The following TECRL variants were observed in gnomAD, a reference collection of about 807,000 sequenced individuals.
TECRL encodes trans-2,3-enoyl-CoA reductase like, also known as trans-2,3-enoyl-CoA reductase-like.
In TECRL, 63 loss-of-function variants were observed where a neutral mutation model predicts 52.8. That is an observed-to-expected ratio of 1.19 (90% CI 0.97 to 1.47). The LOEUF (loss-of-function observed/expected upper bound fraction) is 1.47. Ranked by LOEUF, TECRL falls within the 40% of genes most tolerant of loss-of-function variation. The pLI, the probability that TECRL is intolerant of heterozygous loss-of-function variation, is 0.00. For synonymous variants in TECRL, 164 were observed against 141.9 expected (o/e 1.16, Z -1.10); for missense variants, 482 against 429.6 (o/e 1.12, Z -1.08).
intron 2 of TECRL, among the ~76,000 whole-genome samples, chr4:64,363,735 C>T (rs1234826788): frequency 1.3e-5 from 2 of 152,106 alleles, no homozygotes; most frequent in African/African-American, 2.4e-5. Flanking sequence ...AATATTTAGG[C>T]TAAAGTGTGG....
rs1343342933 is a variant in TECRL at position 64,376,373 on chromosome 4, C to T, written c.235-1150G>A. Among the ~76,000 whole-genome samples the T allele has an allele frequency of 3.9e-5, 6 of 151,922 alleles. No homozygotes were observed. The East Asian group carries it at 1.2e-3, about 29-fold the overall frequency. The stretch of plus-strand genomic sequence containing the variant: ...TATTAATAGCAAAATGATCCTAAAA[C>T]ATTCTGTGTATATAAAGTTATAAAT... On this transcript the variant is annotated intron_variant, in intron 1 of 11. Coordinates refer to ENST00000381210, the MANE Select transcript of TECRL (RefSeq NM_001010874.5).
Position 64,279,760 on chromosome 4 carries a change from T to G in TECRL, c.*312A>C. On this transcript the variant is annotated 3_prime_UTR_variant, in exon 12 of 12. Coordinates refer to ENST00000381210, the MANE Select transcript of TECRL (RefSeq NM_001010874.5). ...TTTTTCATTTGTTAATCAGATTTTT[T>G]TTTTTGCTGTGGTATTTTGTCTTAT... 2 of 987,894 alleles carry G rather than the reference T, an allele frequency of 2.0e-6. No homozygotes were observed. Among genetic ancestry groups the G allele is most frequent in the South Asian group, 4.7e-5 (1 of 21,460 alleles). 61.2% of individuals were successfully genotyped at this position (987,894 alleles called of 1,614,324 possible).
intron 7 of TECRL, among the ~76,000 whole-genome samples, chr4:64,302,083 T>G (rs1724054604): frequency 6.6e-6 from 1 of 151,268 alleles, no homozygotes; most frequent in South Asian, 2.1e-4. Flanking sequence ...ACATTCTGAT[T>G]TGGGTATATT....
intron 9 of TECRL, among the ~76,000 whole-genome samples, 186 bp from the exon 10 acceptor site, chr4:64,281,745 T>A: frequency 6.6e-6 from 1 of 152,044 alleles, no homozygotes; most frequent in Admixed American, 6.6e-5. Flanking sequence ...ACCTTTTGAC[T>A]CAAATAAAAT....
chr4:64,338,845 C>G (rs570175054), intron 2 of TECRL, among the ~76,000 whole-genome samples: 1 of 152,144 alleles, frequency 6.6e-6, no homozygotes, highest in Non-Finnish European at 1.5e-5. Context: ...GGACTGTAAA[C>G]TAGTTCAACC....
Position 64,375,191 on chromosome 4 carries a change from C to A in TECRL, c.267G>T (p.Lys89Asn). The stretch of plus-strand genomic sequence containing the variant: ...ACTTACATGCTTTGTGAAACTTTTG[C>A]TTAACATCATGAATAGTAGATGATT... The part of the protein sequence containing the change: ...VTQSSTIHDV[K>N]QKFHKACPKW... Residue 89 changes from lysine (K) to asparagine (N), a missense_variant, in exon 2 of 12, where the codon AAG becomes AAT. By Grantham distance (94) the Lys-to-Asn change is moderately conservative. Coordinates refer to ENST00000381210, the MANE Select transcript of TECRL (RefSeq NM_001010874.5). 7.2e-7 allele frequency: 1 copy of A among 1,396,022 alleles called. No individual in the cohort carries two copies. The highest frequency in any genetic ancestry group is 9.5e-7 in the Non-Finnish European group (1 of 1,054,558). The allele number at this position is 1,396,022 out of a possible 1,614,324, so 86.5% of individuals were successfully genotyped here. A position where few individuals can be genotyped will look rare whatever the true frequency, so the allele number is the denominator to read the frequency against.
chr4:64,336,804 A>G (rs564686351), intron 2 of TECRL, among the ~76,000 whole-genome samples: 127 of 152,196 alleles, frequency 8.3e-4, no homozygotes, highest in African/African-American at 3.0e-3. Flanking sequence ...CAGTTTCCAT[A>G]TAGTTGAGCA....
At chr4:64,378,197 A>T (rs1380088202) in intron 1 of TECRL, among the ~76,000 whole-genome samples, 1 of 152,154 alleles carries the variant, frequency 6.6e-6, no homozygotes, top group African/African-American at 2.4e-5. Context: ...ACAAGGAAGA[A>T]AATTGCCGAA....
Position 64,280,171 on chromosome 4 carries a change from G to C in TECRL, c.993C>G (p.Ile331Met). ...PVGIFTLLMSIQMSLWAQKKH... is the reference protein window; with the variant it reads ...PVGIFTLLMSMQMSLWAQKKH... ...TCTTTTGTGCCCACAAAGACATCTG[G>C]ATACTCATCAGAAGTGTAAAAATTC... Residue 331 changes from isoleucine to methionine, a missense_variant, in exon 12 of 12, where the codon ATC becomes ATG. Ile to Met is a conservative substitution (Grantham distance 10, BLOSUM62 1). Transcript: ENST00000381210. 6.3e-7 allele frequency: 1 copy of C among 1,592,494 alleles called. No individual in the cohort carries two copies.
At chr4:64,280,395 C>T (rs759391675) in intron 11 of TECRL, among the ~76,000 whole-genome samples, 196 bp from the exon 12 acceptor site, 1 of 151,976 alleles carries the variant, frequency 6.6e-6, no homozygotes, top group Non-Finnish European at 1.5e-5. Context: ...ACAGAAAATA[C>T]ATTAAAAATT....
intron 2 of TECRL, among the ~76,000 whole-genome samples, chr4:64,333,119 A>G (rs1718765282): frequency 6.6e-6 from 1 of 152,022 alleles, no homozygotes. Context: ...TGAAAACCAG[A>G]TGTAAGTATA....
At chr4:64,376,812 A>G (rs1288119365) in intron 1 of TECRL, among the ~76,000 whole-genome samples, 3 of 152,010 alleles carry the variant, frequency 2.0e-5, no homozygotes, top group African/African-American at 7.2e-5. Context: ...TGTTTAATCT[A>G]TATGGAGCTG....
At chr4:64,339,099 A>G (rs1323427031) in intron 2 of TECRL, among the ~76,000 whole-genome samples, 1 of 152,046 alleles carries the variant, frequency 6.6e-6, no homozygotes, top group African/African-American at 2.4e-5. Flanking sequence ...AATACTATGT[A>G]GCCATAAAAA....
intron 6 of TECRL, among the ~76,000 whole-genome samples, chr4:64,309,052 T>A (rs1724511973): frequency 6.6e-6 from 1 of 152,150 alleles, no homozygotes; most frequent in African/African-American, 2.4e-5. Context: ...AGTTGTAGTC[T>A]ATAATGGTGA....
chr4:64,357,977 A>T (rs1560526374), intron 2 of TECRL, among the ~76,000 whole-genome samples: 1 of 151,816 alleles, frequency 6.6e-6, no homozygotes, highest in Non-Finnish European at 1.5e-5. Flanking sequence ...AATATAAATA[A>T]TAAGTGTGAA....
chr4:64,385,521 C>T (rs141442739), intron 1 of TECRL, among the ~76,000 whole-genome samples: 1 of 152,206 alleles, frequency 6.6e-6, no homozygotes, highest in African/African-American at 2.4e-5. Context: ...ACTGCATAGG[C>T]TGGGTGCTGA....
At chr4:64,405,026 G>T (rs1724611410) in intron 1 of TECRL, among the ~76,000 whole-genome samples, 2 of 151,610 alleles carry the variant, frequency 1.3e-5, no homozygotes, top group East Asian at 1.9e-4. Flanking sequence ...CAAACAATCT[G>T]ATATTTTTGT....
At chr4:64,409,028 G>T (rs767073148) in intron 1 of TECRL, 90 bp downstream of exon 1, 3 of 1,137,986 alleles carry the variant, frequency 2.6e-6, no homozygotes, top group African/African-American at 1.6e-5. Context: ...CAGAACAGTC[G>T]TGTTAGAATT....
chr4:64,357,210 A>T (rs566114005), intron 2 of TECRL, among the ~76,000 whole-genome samples: 5 of 152,132 alleles, frequency 3.3e-5, no homozygotes, highest in African/African-American at 1.2e-4. Flanking sequence ...TCAAGATGTG[A>T]AAAACAGTAC....
Sources: allele counts gnomAD v4.1 joint callset (sites outside exome capture counted in the v4.1 genomes callset), GRCh38; gene constraint gnomAD v4.1.1; transcripts MANE v1.5; gene names NCBI Gene and HGNC (gene_info 2026-07-23, HGNC 2026-07-21).